Variants in ST6GALNAC3 observed in about 807,000 individuals in gnomAD.
ST6GALNAC3 encodes alpha-N-acetylgalactosaminide alpha-2,6-sialyltransferase 3.
A neutral mutation model predicts 32.7 loss-of-function variants in ST6GALNAC3; 25 were observed. The ratio of observed to expected loss-of-function variants is 0.76; its 90% CI spans 0.56 to 1.07. The LOEUF (loss-of-function observed/expected upper bound fraction) is 1.07, where lower values mean the gene tolerates loss of function less well. Ranked by LOEUF, ST6GALNAC3 falls within the 50% of genes least tolerant of loss-of-function variation. The pLI is 0.00. For missense variants in ST6GALNAC3, 355 were observed against 382.4 expected (o/e 0.93, Z 0.60); for synonymous variants, 129 against 133.1 (o/e 0.97, Z 0.21).
At chr1:76,404,119 A>G (rs539047882) in intron 2 of ST6GALNAC3, among the ~76,000 whole-genome samples, 1 of 152,022 alleles carries the variant, frequency 6.6e-6, no homozygotes, top group Non-Finnish European at 1.5e-5. Flanking sequence ...GCACCCCCAT[A>G]TTAAGTTTTA....
intron 3 of ST6GALNAC3, among the ~76,000 whole-genome samples, chr1:76,535,603 G>C (rs1451883539): frequency 2.0e-5 from 3 of 152,086 alleles, no homozygotes; most frequent in African/African-American, 7.2e-5. Flanking sequence ...TTCTACTATA[G>C]AGCAGTCACT....
intron 1 of ST6GALNAC3, among the ~76,000 whole-genome samples, chr1:76,254,116 T>TA (rs1293037914): frequency 2.0e-5 from 3 of 152,104 alleles, no homozygotes; most frequent in Non-Finnish European, 4.4e-5. Context: ...GAATGAATTA[T>TA]AAAAATGGTT....
chr1:76,597,257 G>A (rs1022569473), intron 3 of ST6GALNAC3, among the ~76,000 whole-genome samples: 1 of 152,084 alleles, frequency 6.6e-6, no homozygotes, highest in East Asian at 1.9e-4. Flanking sequence ...TATTTACTCA[G>A]TAAATATATG....
intron 1 of ST6GALNAC3, among the ~76,000 whole-genome samples, chr1:76,124,167 G>A (rs1366237536): frequency 3.3e-5 from 5 of 152,166 alleles, no homozygotes; most frequent in Non-Finnish European, 7.3e-5. Context: ...TCCCGACTAC[G>A]ATTGCTGGAG....
intron 1 of ST6GALNAC3, among the ~76,000 whole-genome samples, chr1:76,263,762 CT>C (rs1658375666): frequency 6.6e-6 from 1 of 152,214 alleles, no homozygotes; most frequent in African/African-American, 2.4e-5. Context: ...CATGTTCTTT[CT>C]GTGAATTTGT....
chr1:76,606,262 A>ATGTTCAT (rs1647539242), intron 3 of ST6GALNAC3, among the ~76,000 whole-genome samples: 1 of 152,214 alleles, frequency 6.6e-6, no homozygotes, highest in Non-Finnish European at 1.5e-5. Flanking sequence ...AGATAGAGGC[A>ATGTTCAT]TGCATATGTT....
intron 3 of ST6GALNAC3, among the ~76,000 whole-genome samples, chr1:76,534,445 C>T (rs1156254209): frequency 1.3e-5 from 2 of 152,174 alleles, no homozygotes; most frequent in African/African-American, 4.8e-5. Context: ...ATCGAGATCC[C>T]TCTCACCCCC....
chr1:76,466,054 G>T (rs1331728102), intron 3 of ST6GALNAC3, among the ~76,000 whole-genome samples: 1 of 152,098 alleles, frequency 6.6e-6, no homozygotes, highest in African/African-American at 2.4e-5. Flanking sequence ...TGGTATAAAG[G>T]ATGCTCATAT....
chr1:76,518,185 A>G (rs560452205), intron 3 of ST6GALNAC3, among the ~76,000 whole-genome samples: 6 of 152,120 alleles, frequency 3.9e-5, no homozygotes, highest in African/African-American at 1.2e-4. Flanking sequence ...CTAAGTACCT[A>G]TGATGTATTA....
intron 3 of ST6GALNAC3, among the ~76,000 whole-genome samples, chr1:76,616,639 T>G (rs1648311103): frequency 6.6e-6 from 1 of 152,212 alleles, no homozygotes; most frequent in Non-Finnish European, 1.5e-5. Flanking sequence ...AAGCTTCCTC[T>G]TTAGATTAGA....
chr1:76,569,718 T>C (rs1244173449), intron 3 of ST6GALNAC3, among the ~76,000 whole-genome samples: 3 of 152,122 alleles, frequency 2.0e-5, no homozygotes, highest in Non-Finnish European at 4.4e-5. Context: ...ATATTTCTTA[T>C]GGCTGCAGGT....
At chr1:76,373,981 G>C (rs1571005068) in intron 2 of ST6GALNAC3, among the ~76,000 whole-genome samples, 1 of 151,918 alleles carries the variant, frequency 6.6e-6, no homozygotes, top group East Asian at 1.9e-4. Flanking sequence ...GTGCTCAATT[G>C]CCTCTGTTCA....
At chr1:76,258,475 A>C (rs1428550359) in intron 1 of ST6GALNAC3, among the ~76,000 whole-genome samples, 1 of 152,190 alleles carries the variant, frequency 6.6e-6, no homozygotes, top group Non-Finnish European at 1.5e-5. Flanking sequence ...TGATAATTCC[A>C]GAGCCATCAG....
chr1:76,441,204 T>C (rs568180787), intron 3 of ST6GALNAC3, among the ~76,000 whole-genome samples: 4 of 152,086 alleles, frequency 2.6e-5, no homozygotes, highest in Non-Finnish European at 5.9e-5. Flanking sequence ...TAGTTATAAT[T>C]ATTATTGTAA....
At chr1:76,395,907 T>A (rs915856914) in intron 2 of ST6GALNAC3, among the ~76,000 whole-genome samples, 1 of 151,898 alleles carries the variant, frequency 6.6e-6, no homozygotes, top group Non-Finnish European at 1.5e-5. Flanking sequence ...GATAGCAGAG[T>A]AGGGTGAATA....
chr1:76,209,539 A>G (rs927099274), intron 1 of ST6GALNAC3, among the ~76,000 whole-genome samples: 1 of 152,174 alleles, frequency 6.6e-6, no homozygotes, highest in Non-Finnish European at 1.5e-5. Context: ...CTGTTCTGCT[A>G]TAACTTAGCT....
intron 1 of ST6GALNAC3, among the ~76,000 whole-genome samples, chr1:76,181,774 T>A (rs1176616610): frequency 6.6e-6 from 1 of 152,224 alleles, no homozygotes; most frequent in Admixed American, 6.5e-5. Flanking sequence ...ATTATAACTT[T>A]AGTTCAAATA....
intron 1 of ST6GALNAC3, among the ~76,000 whole-genome samples, chr1:76,168,437 A>G (rs1443733886): frequency 1.3e-5 from 2 of 151,334 alleles, no homozygotes; most frequent in Admixed American, 6.6e-5. Flanking sequence ...CCATATGGCA[A>G]TGAAAATTGT....
At chr1:76,345,376 G>A (rs1188355215) in intron 2 of ST6GALNAC3, among the ~76,000 whole-genome samples, 1 of 152,218 alleles carries the variant, frequency 6.6e-6, no homozygotes, top group East Asian at 1.9e-4. Flanking sequence ...AGAGCACAGA[G>A]TAGAGAGTAA....
Sources: gnomAD v4.1 joint callset for allele counts (sites outside exome capture counted in the v4.1 genomes callset) on GRCh38, gnomAD v4.1.1 for gene constraint, MANE v1.5 for transcripts, NCBI Gene and HGNC (gene_info 2026-07-23, HGNC 2026-07-21) for gene names.